Variants in TTPA observed in about 807,000 individuals in gnomAD.
The protein encoded by TTPA is alpha-tocopherol transfer protein.
In TTPA, 23 loss-of-function variants were observed where a neutral mutation model predicts 25.9. The observed-to-expected ratio is 0.89, with a 90% confidence interval of 0.64 to 1.26. TTPA has a LOEUF of 1.26. TTPA is among the 50% of genes most tolerant of loss of function. TTPA has a pLI of 0.00. For missense variants in TTPA, 337 were observed against 353.1 expected (o/e 0.95, Z 0.37); for synonymous variants, 148 against 137.3 (o/e 1.08, Z -0.54).
At chr8:63,081,614 T>C (rs958483642) in intron 1 of TTPA, among the ~76,000 whole-genome samples, 2 of 152,116 alleles carry the variant, frequency 1.3e-5, no homozygotes, top group African/African-American at 2.4e-5. Flanking sequence ...CCATTCCCAT[T>C]CAACATAGTG....
chr8:63,060,958 C>T lies in TTPA; in HGVS notation c.*294G>A, dbSNP rs1805296231. On this transcript the variant is annotated 3_prime_UTR_variant, in exon 5 of 5. Transcript: ENST00000260116. Reference sequence around the variant, plus strand: ...CTTTCTAGAAACATACAAAGATGCACATGAGCAGCTACTTTAGCAATAACT... The same window carrying T: ...CTTTCTAGAAACATACAAAGATGCATATGAGCAGCTACTTTAGCAATAACT... 1.0e-5 allele frequency: 3 copies of T among 289,626 alleles called. No individual in the cohort carries two copies. Among genetic ancestry groups the T allele is most frequent in the Admixed American group, 9.3e-5 (2 of 21,424 alleles). The allele number at this position is 289,626 out of a possible 1,614,324, so 17.9% of individuals were successfully genotyped here. A position where few individuals can be genotyped will look rare whatever the true frequency, so the allele number is the denominator to read the frequency against.
rs1257468121 is a variant in TTPA, at chr8:63,085,921, C to T, written c.101G>A (p.Arg34Gln). The T allele has an allele frequency of 3.3e-6, 5 of 1,523,294 alleles. No homozygotes were observed. The highest frequency in any genetic ancestry group is 2.0e-5 in the Admixed American group (1 of 50,032). The allele number at this position is 1,523,294 out of a possible 1,614,324, so 94.4% of individuals were successfully genotyped here. ...LQPGLAALRR[R>Q]AREAGVPLAP... ...GAGCGGGACGCCAGCTTCCCGGGCC[C>T]GGCGCCGCAGCGCCGCCAGGCCCGG... The change falls in exon 1 of 5, where the codon CGG (arginine) becomes CAG (glutamine). Residue 34 changes from arginine to glutamine, a missense_variant. Arg to Gln is a conservative substitution (Grantham distance 43, BLOSUM62 1). Coordinates refer to ENST00000260116, the MANE Select transcript of TTPA (RefSeq NM_000370.3).
chr8:63,065,852 T>G, intron 3 of TTPA, 52 bp downstream of exon 3: 3 of 1,582,542 alleles, frequency 1.9e-6, no homozygotes, highest in Admixed American at 1.7e-5. Context: ...ATAACAAAAT[T>G]TAAAACTATA....
Position 63,066,063 on chromosome 8 carries a change from G to C in TTPA, c.393C>G (p.Asp131Glu), listed in dbSNP as rs34258920. Residue 131 changes from aspartate to glutamate, a missense_variant, in exon 3 of 5, where the codon GAC (aspartate) becomes GAG (glutamate). Transcript: ENST00000260116. ...HWDPKVFTAYDVFRVSLITSE... is the reference protein window; with the variant it reads ...HWDPKVFTAYEVFRVSLITSE... ...ATGTGATTAGACTTACTCGAAATAC[G>C]TCATAAGCTGTAAAAACTTTGGGGT... 3 of 1,607,564 alleles carry C rather than the reference G, an allele frequency of 1.9e-6. No homozygotes were observed. The highest frequency in any genetic ancestry group is 2.5e-6 in the Non-Finnish European group (3 of 1,178,976).
At chr8:63,084,216 T>G (rs139322868) in intron 1 of TTPA, among the ~76,000 whole-genome samples, 261 of 152,272 alleles carry the variant, frequency 1.7e-3, no homozygotes, top group East Asian at 3.3e-3. Context: ...GGAAGACAGT[T>G]TGTTATATTA....
At chr8:63,066,542 G>A (rs1057288000) in intron 2 of TTPA, among the ~76,000 whole-genome samples, 1 of 152,188 alleles carries the variant, frequency 6.6e-6, no homozygotes. Flanking sequence ...CAGCCTTCCA[G>A]TAGTAAGCAG....
At position 63,085,944 on chromosome 8, in the gene TTPA, C is replaced by G. The variant is rs2129796355; in HGVS notation, c.78G>C (p.Pro26=). ...CCCGGCGCCGCAGCGCCGCCAGGCC[C>G]GGCTGCAGCAACGGAGAGTGGTCCG... ...ALPDHSPLLQ[P]GLAALRRRAR... is the part of the protein sequence containing the mutation. The change falls in exon 1 of 5, where the codon CCG becomes CCC. Residue 26 remains proline, a synonymous_variant. Transcript: ENST00000260116. 6.6e-7 allele frequency: 1 copy of G among 1,521,292 alleles called. No homozygotes were observed. Among genetic ancestry groups the G allele is most frequent in the South Asian group, 1.2e-5 (1 of 82,468 alleles). 94.2% of individuals were successfully genotyped at this position (1,521,292 alleles called of 1,614,324 possible). A position where few individuals can be genotyped will look rare whatever the true frequency, so the allele number is the denominator to read the frequency against.
At chr8:63,079,040 T>C (rs1805617602) in intron 1 of TTPA, among the ~76,000 whole-genome samples, 1 of 152,172 alleles carries the variant, frequency 6.6e-6, no homozygotes, top group South Asian at 2.1e-4. Flanking sequence ...CATTCAACAT[T>C]CTTAAAGAAA....
intron 1 of TTPA, among the ~76,000 whole-genome samples, chr8:63,074,880 A>G (rs1298046657): frequency 6.6e-6 from 1 of 152,194 alleles, no homozygotes; most frequent in Non-Finnish European, 1.5e-5. Context: ...TCATCTCTGC[A>G]GAGTGCTGCA....
chr8:63,061,085 A>C lies in TTPA; in HGVS notation c.*167T>G. The C allele has an allele frequency of 1.4e-6, 1 of 693,184 alleles. No individual in the cohort carries two copies. The highest frequency in any genetic ancestry group is 2.4e-6 in the Non-Finnish European group (1 of 421,768). The allele number at this position is 693,184 out of a possible 1,614,324, so 42.9% of individuals were successfully genotyped here. On this transcript the variant is annotated 3_prime_UTR_variant, in exon 5 of 5. Transcript: ENST00000260116. ...AGAGAAAAAAGCATTTAAAAAGTAAAAAATCTTTCCAAACACCTGTGTTGC... is the reference window on the plus strand; with the variant it reads ...AGAGAAAAAAGCATTTAAAAAGTAACAAATCTTTCCAAACACCTGTGTTGC...
At chr8:63,073,263 T>G (rs1440629867) in intron 1 of TTPA, among the ~76,000 whole-genome samples, 175 bp from the exon 2 acceptor site, 4 of 152,142 alleles carry the variant, frequency 2.6e-5, no homozygotes, top group African/African-American at 9.7e-5. Flanking sequence ...GGATCTGAGG[T>G]GACAGGGGTT....
downstream of TTPA, among the ~76,000 whole-genome samples, chr8:63,058,585 A>C (rs1304638114): frequency 6.6e-6 from 1 of 152,318 alleles, no homozygotes; most frequent in African/African-American, 2.4e-5. Flanking sequence ...TATTAATTTG[A>C]CCATTCATTT....
rs548084272 is a variant in TTPA at position 63,060,070 on chromosome 8, ATAT to A, written c.*1179_*1181del. Reference sequence around the variant, plus strand: ...ATATTCTGATACAATAGTCAAACTCATATTATTTTATGCATAATCTGAAAAATA... The same window carrying A: ...ATATTCTGATACAATAGTCAAACTCATATTTTATGCATAATCTGAAAAATA... On this transcript the variant is annotated 3_prime_UTR_variant, in exon 5 of 5. Transcript: ENST00000260116. 51 of 152,292 alleles carry A rather than the reference ATAT, an allele frequency of 3.3e-4. No homozygotes were observed. The East Asian group carries it at 6.6e-3, about 20-fold the overall frequency. 9.4% of individuals were successfully genotyped at this position (152,292 alleles called of 1,614,324 possible).
In TTPA at chr8:63,061,090, C is replaced by G. The variant is rs1186042072; in HGVS notation, c.*162G>C. ...AAAAAGCATTTAAAAAGTAAAAAAT[C>G]TTTCCAAACACCTGTGTTGCTCATG... On this transcript the variant is annotated 3_prime_UTR_variant, in exon 5 of 5. Coordinates refer to ENST00000260116, the MANE Select transcript of TTPA (RefSeq NM_000370.3). 2.8e-6 allele frequency: 2 copies of G among 706,920 alleles called. No homozygotes were observed. The highest frequency in any genetic ancestry group is 3.6e-5 in the African/African-American group (2 of 55,498). The allele number at this position is 706,920 out of a possible 1,614,324, so 43.8% of individuals were successfully genotyped here.
At chr8:63,064,885 T>C (rs1805364634) in intron 3 of TTPA, among the ~76,000 whole-genome samples, 1 of 152,184 alleles carries the variant, frequency 6.6e-6, no homozygotes, top group African/African-American at 2.4e-5. Context: ...GTGAAGTTCT[T>C]TTATTTTTTC....
chr8:63,064,450 T>C (rs779034515), intron 3 of TTPA, 134 bp from the exon 4 acceptor site: 4 of 655,310 alleles, frequency 6.1e-6, no homozygotes, highest in Non-Finnish European at 1.0e-5. Context: ...TCAAAATTAT[T>C]TATTCCATCA....
chr8:63,072,744 T>C (rs1383454001), intron 2 of TTPA, among the ~76,000 whole-genome samples, 191 bp downstream of exon 2: 1 of 152,202 alleles, frequency 6.6e-6, no homozygotes, highest in African/African-American at 2.4e-5. Flanking sequence ...TTGGGGGACA[T>C]TAAGACCTAA....
Position 63,061,115 on chromosome 8 carries a change from G to T in TTPA, c.*137C>A. 1 of 929,160 alleles carries T rather than the reference G, an allele frequency of 1.1e-6. No individual in the cohort carries two copies. The highest frequency in any genetic ancestry group is 1.7e-6 in the Non-Finnish European group (1 of 600,664). The allele number at this position is 929,160 out of a possible 1,614,324, so 57.6% of individuals were successfully genotyped here. ...CTTTCCAAACACCTGTGTTGCTCAT[G>T]TCAGAAGATTTCTACATTTTTAAAG... On this transcript the variant is annotated 3_prime_UTR_variant, in exon 5 of 5. Transcript: ENST00000260116.
chr8:63,082,149 T>C (rs895775709), intron 1 of TTPA, among the ~76,000 whole-genome samples: 17 of 152,096 alleles, frequency 1.1e-4, no homozygotes, highest in Admixed American at 2.0e-4. Context: ...TACTTTAAAG[T>C]TCATATTGAA....
Sources: gnomAD v4.1 joint callset for allele counts (sites outside exome capture counted in the v4.1 genomes callset) on GRCh38, gnomAD v4.1.1 for gene constraint, MANE v1.5 for transcripts, NCBI Gene and HGNC (gene_info 2026-07-23, HGNC 2026-07-21) for gene names.